Variants in NDUFS7 observed in about 807,000 individuals in gnomAD.
The protein encoded by NDUFS7 is NADH dehydrogenase [ubiquinone] iron-sulfur protein 7, mitochondrial.
In NDUFS7, 11 loss-of-function variants were observed where a neutral mutation model predicts 31.1. The observed-to-expected ratio is 0.35, with a 90% confidence interval of 0.22 to 0.59. The LOEUF is 0.59. Among genes scored for constraint, NDUFS7 ranks in the 20% least tolerant of loss-of-function variants. The pLI is 0.79. For synonymous variants in NDUFS7, 136 were observed against 127.9 expected (o/e 1.06, Z -0.43); for missense variants, 263 against 324.2 (o/e 0.81, Z 1.45).
intron 7 of NDUFS7, chr19:1,394,627 C>A (rs955289653): frequency 7.3e-6 from 9 of 1,232,216 alleles, no homozygotes; most frequent in Non-Finnish European, 9.3e-6. Context: ...TCCCAGCGGA[C>A]CGCGCTCCTC....
At chr19:1,388,626 C>A in intron 3 of NDUFS7, 33 bp downstream of exon 3, 1 of 1,594,686 alleles carries the variant, frequency 6.3e-7, no homozygotes, top group East Asian at 2.3e-5. Context: ...GGTCGTACCC[C>A]CTCGCCCCAC....
rs770387867 is a variant in NDUFS7, at chr19:1,390,927, C to T, written c.285C>T (p.His95=). The part of the protein sequence containing the change: ...GLACCAVEMM[H]MAAPRYDMDR... ...CCTGCTGCGCCGTGGAGATGATGCA[C>T]ATGGCAGCACCCCGCTACGACATGG... Residue 95 remains histidine (H), a synonymous_variant, in exon 5 of 8, where the codon CAC becomes CAT. Coordinates refer to ENST00000233627, the MANE Select transcript of NDUFS7 (RefSeq NM_024407.5). 77 of 1,611,678 alleles carry T rather than the reference C, an allele frequency of 4.8e-5. No individual in the cohort carries two copies. The Admixed American group carries it at 1.3e-3, about 27-fold the overall frequency.
chr19:1,389,128 G>A (rs146170283), intron 4 of NDUFS7, 190 bp downstream of exon 4: 84 of 705,158 alleles, frequency 1.2e-4, no homozygotes, highest in Middle Eastern at 2.3e-4. Context: ...GCACACTCAC[G>A]CACACAATGC....
intron 1 of NDUFS7, among the ~76,000 whole-genome samples, chr19:1,386,047 C>T (rs778669811): frequency 6.6e-5 from 10 of 152,208 alleles, no homozygotes; most frequent in Admixed American, 4.6e-4. Flanking sequence ...AGGTCACAGG[C>T]TTGTGTCCTT....
chr19:1,393,458 GCCGACTC>G lies in NDUFS7; in HGVS notation c.544+129_544+135del. 5.2e-6 allele frequency: 4 copies of G among 776,494 alleles called. No individual in the cohort carries two copies. The highest frequency in any genetic ancestry group is 8.8e-6 in the Non-Finnish European group (4 of 454,130). The allele number at this position is 776,494 out of a possible 1,614,324, so 48.1% of individuals were successfully genotyped here. On this transcript the variant is annotated intron_variant, in intron 7 of 7. Coordinates refer to ENST00000233627, the MANE Select transcript of NDUFS7 (RefSeq NM_024407.5). The surrounding 1 kb of genome is among the most constrained non-coding windows in gnomAD (Gnocchi z 7.3). ...GCGGGCTCCCCCATCCTATGGATGG[GCCGACTC>G]GGAGCGCTGCCTCTTAGTGGAGCCT...
intron 4 of NDUFS7, 119 bp from the exon 5 acceptor site, chr19:1,390,752 C>A: frequency 8.3e-7 from 1 of 1,211,422 alleles, no homozygotes; most frequent in East Asian, 2.5e-5. Context: ...GTGCCTCTCA[C>A]CTCTGCCGGC....
intron 4 of NDUFS7, chr19:1,390,561 C>T (rs1600149789): frequency 1.5e-5 from 8 of 523,208 alleles, no homozygotes; most frequent in Admixed American, 9.6e-5. Context: ...CTGTAGCCCA[C>T]GCGCTCAGAG....
In NDUFS7 at chr19:1,383,931, C is replaced by A; in HGVS notation, c.5C>A (p.Ala2Glu). 1 of 1,580,368 alleles carries A rather than the reference C, an allele frequency of 6.3e-7. No individual in the cohort carries two copies. The highest frequency in any genetic ancestry group is 8.6e-7 in the Non-Finnish European group (1 of 1,164,442). M[A>E]VLSAPGLRGF... ...TGTCTGAAGGCCGAGGCCAAGATGG[C>A]GGTGCTGTCAGGTGAGCGCGGCACC... Residue 2 changes from alanine (A) to glutamate (E), a missense_variant, in exon 1 of 8, where the codon GCG becomes GAG. Transcript: ENST00000233627.
Position 1,395,412 on chromosome 19 carries a change from C to T in NDUFS7, c.566C>T (p.Ala189Val). 2 of 1,601,782 alleles carry T rather than the reference C, an allele frequency of 1.2e-6. No individual in the cohort carries two copies. Among genetic ancestry groups the T allele is most frequent in the Non-Finnish European group, 1.7e-6 (2 of 1,175,992 alleles). ...YIPGCPPTAEALLYGILQLQR... is the reference protein window; with the variant it reads ...YIPGCPPTAEVLLYGILQLQR... ...GCAGGCTGCCCACCTACGGCCGAGGCCCTGCTCTACGGCATCCTGCAGCTG... is the reference window on the plus strand; with the variant it reads ...GCAGGCTGCCCACCTACGGCCGAGGTCCTGCTCTACGGCATCCTGCAGCTG... The change falls in exon 8 of 8, where the codon GCC becomes GTC. Residue 189 changes from alanine (A) to valine (V), a missense_variant. Coordinates refer to ENST00000233627, the MANE Select transcript of NDUFS7 (RefSeq NM_024407.5).
chr19:1,388,022 G>A (rs1465589574), intron 2 of NDUFS7, 175 bp downstream of exon 2: 2 of 707,564 alleles, frequency 2.8e-6, no homozygotes, highest in East Asian at 5.4e-5. Context: ...GACCCTCCCT[G>A]GGACAGTCCA....
rs2082582085 is a variant in NDUFS7, at chr19:1,394,598, T to TCCCA, written c.545-793_545-792insCCCA. On this transcript the variant is annotated intron_variant, in intron 7 of 7. Coordinates refer to ENST00000233627, the MANE Select transcript of NDUFS7 (RefSeq NM_024407.5). ...CCTGCGGACCGCGCTCGGCCCTCCCTGGGGACCGCGCCCCTCCCTCCCAGC... is the reference window on the plus strand; with the variant it reads ...CCTGCGGACCGCGCTCGGCCCTCCCTCCCAGGGGACCGCGCCCCTCCCTCCCAGC... The TCCCA allele has an allele frequency of 4.1e-6, 5 of 1,210,642 alleles. No homozygotes were observed. In the African/African-American group the frequency reaches 6.6e-5, roughly 16 times the overall value. 75.0% of individuals were successfully genotyped at this position (1,210,642 alleles called of 1,614,324 possible). A position where few individuals can be genotyped will look rare whatever the true frequency, so the allele number is the denominator to read the frequency against.
Position 1,393,918 on chromosome 19 carries a change from T to C in NDUFS7, c.544+588T>C, listed in dbSNP as rs2082574585. On this transcript the variant is annotated intron_variant, in intron 7 of 7. Transcript: ENST00000233627. This position sits in a 1 kb window ranked among gnomAD's most constrained non-coding sequence, Gnocchi z 7.3. ...ATTCACATCGCACCGGGAACATTCT[T>C]TATATCTGGTGATCCCGTGGGACTC... 8.5e-6 allele frequency: 2 copies of C among 234,684 alleles called. No individual in the cohort carries two copies. The highest frequency in any genetic ancestry group is 4.5e-5 in the African/African-American group (2 of 44,518). 14.5% of individuals were successfully genotyped at this position (234,684 alleles called of 1,614,324 possible).
chr19:1,391,205 G>GT, intron 6 of NDUFS7, 40 bp downstream of exon 6: 1 of 1,602,784 alleles, frequency 6.2e-7, no homozygotes, highest in Non-Finnish European at 8.5e-7. Flanking sequence ...CAGACGTAGC[G>GT]TGAGTGCTGG....
At chr19:1,387,912 G>T (rs1367274704) in intron 2 of NDUFS7, 65 bp downstream of exon 2, 4 of 404,436 alleles carry the variant, frequency 9.9e-6, no homozygotes, top group Non-Finnish European at 1.5e-5. Flanking sequence ...CGAACGGGGC[G>T]GGGGGGGTGG....
rs894362364 is a variant in NDUFS7, at chr19:1,393,434, C to T, written c.544+104C>T. The T allele has an allele frequency of 6.3e-5, 60 of 952,182 alleles. No individual in the cohort carries two copies. The highest frequency in any genetic ancestry group is 9.0e-5 in the Non-Finnish European group (55 of 614,452). 59.0% of individuals were successfully genotyped at this position (952,182 alleles called of 1,614,324 possible). On this transcript the variant is annotated intron_variant, in intron 7 of 7. Coordinates refer to ENST00000233627, the MANE Select transcript of NDUFS7 (RefSeq NM_024407.5). This position sits in a 1 kb window ranked among gnomAD's most constrained non-coding sequence, Gnocchi z 7.3. ...GGAGTCCCACACCCCCAGCAGACGG[C>T]GGGCTCCCCCATCCTATGGATGGGC...
Position 1,388,831 on chromosome 19 carries a change from A to G in NDUFS7, c.123-2A>G. On this transcript the variant is annotated splice_acceptor_variant, in intron 3 of 7. Transcript: ENST00000233627. LOFTEE classifies it high-confidence loss of function. The stretch of plus-strand genomic sequence containing the variant: ...TCCTGTGCCCGTGTGTCTCTGTGCC[A>G]GCACCCAGCCTGCCCTGCCAAAGGC... The G allele has an allele frequency of 1.3e-6, 2 of 1,590,434 alleles. No homozygotes were observed. Among genetic ancestry groups the G allele is most frequent in the Non-Finnish European group, 1.7e-6 (2 of 1,169,216 alleles).
rs1007529587 is a variant in NDUFS7 at position 1,393,799 on chromosome 19, G to A, written c.544+469G>A. ...GAGGTTAGGGTGAATTTGACCATCA[G>A]GAAAACTGTTAGTAGTAATTGTTTA... is the stretch of plus-strand genomic sequence containing the variant. On this transcript the variant is annotated intron_variant, in intron 7 of 7. Transcript: ENST00000233627. The surrounding 1 kb of genome is among the most constrained non-coding windows in gnomAD (Gnocchi z 7.3). 1 of 399,476 alleles carries A rather than the reference G, an allele frequency of 2.5e-6. No homozygotes were observed. The allele number at this position is 399,476 out of a possible 1,614,324, so 24.7% of individuals were successfully genotyped here.
chr19:1,393,419 A>G lies in NDUFS7; in HGVS notation c.544+89A>G, dbSNP rs1285946352. On this transcript the variant is annotated intron_variant, in intron 7 of 7. Transcript: ENST00000233627. This position sits in a 1 kb window ranked among gnomAD's most constrained non-coding sequence, Gnocchi z 7.3. ...GGCGGCCCCTGTGAGGGAGTCCCACACCCCCAGCAGACGGCGGGCTCCCCC... is the reference window on the plus strand; with the variant it reads ...GGCGGCCCCTGTGAGGGAGTCCCACGCCCCCAGCAGACGGCGGGCTCCCCC... 1 of 1,123,116 alleles carries G rather than the reference A, an allele frequency of 8.9e-7. No homozygotes were observed. The highest frequency in any genetic ancestry group is 1.3e-5 in the South Asian group (1 of 75,806). 69.6% of individuals were successfully genotyped at this position (1,123,116 alleles called of 1,614,324 possible). A position where few individuals can be genotyped will look rare whatever the true frequency, so the allele number is the denominator to read the frequency against.
intron 2 of NDUFS7, 151 bp from the exon 3 acceptor site, chr19:1,388,374 C>T (rs533629250): frequency 1.4e-6 from 1 of 734,776 alleles, no homozygotes. Flanking sequence ...CCGCATGGCT[C>T]CAGCGGCTCT....
Sources: gnomAD v4.1 joint callset for allele counts (sites outside exome capture counted in the v4.1 genomes callset) on GRCh38, gnomAD v4.1.1 for gene constraint, Gnocchi (gnomAD v3.1) non-coding constraint, MANE v1.5 for transcripts, NCBI Gene and HGNC (gene_info 2026-07-23, HGNC 2026-07-21) for gene names.